The following PPP1R9A variants were observed in gnomAD, a reference collection of about 807,000 sequenced individuals.
PPP1R9A encodes protein phosphatase 1 regulatory subunit 9A, also known as neurabin-1.
A neutral mutation model predicts 141.9 loss-of-function variants in PPP1R9A; 59 were observed. The observed-to-expected ratio is 0.42, with a 90% CI of 0.34 to 0.52. The LOEUF (loss-of-function observed/expected upper bound fraction) is 0.52, where lower values mean the gene tolerates loss of function less well. PPP1R9A is among the 20% of genes least tolerant of loss of function. PPP1R9A has a pLI of 0.10. For missense variants in PPP1R9A, 1,444 were observed against 1,611.9 expected, an observed-to-expected ratio of 0.90 and a Z score of 1.78; for synonymous variants, 500 against 569.7, an observed-to-expected ratio of 0.88 and a Z score of 1.74.
intron 2 of PPP1R9A, among the ~76,000 whole-genome samples, chr7:95,082,944 A>G (rs1326249797): frequency 1.3e-5 from 2 of 151,130 alleles, no homozygotes; most frequent in African/African-American, 4.9e-5. Context: ...TTTAGAAGAG[A>G]CGGGGTTTCA....
At position 95,079,932 on chromosome 7, in the gene PPP1R9A, G is replaced by A. The variant is rs1438344061; in HGVS notation, c.1396-31327G>A. Among the ~76,000 whole-genome samples, 19 of 152,140 alleles carry A rather than the reference G, an allele frequency of 1.2e-4. 1 individual carries two copies. Among genetic ancestry groups the A allele is most frequent in the Admixed American group, 3.9e-4 (6 of 15,266 alleles). Reference sequence around the variant, plus strand: ...TCAATAAATTAGGTATTGATGGGACGTATCTCAAAATAATAAGAGCTATCT... The same window carrying A: ...TCAATAAATTAGGTATTGATGGGACATATCTCAAAATAATAAGAGCTATCT... On this transcript the variant is annotated intron_variant, in intron 2 of 19. Transcript: ENST00000433360.
chr7:95,222,008 T>C (rs1794528081), intron 7 of PPP1R9A, among the ~76,000 whole-genome samples: 2 of 152,112 alleles, frequency 1.3e-5, no homozygotes, highest in Admixed American at 6.6e-5. Context: ...GATTCCTCTC[T>C]GTATTGCAAT....
At chr7:95,288,767 C>T in intron 19 of PPP1R9A, 49 bp downstream of exon 19, 3 of 1,575,322 alleles carry the variant, frequency 1.9e-6, no homozygotes, top group Middle Eastern at 1.7e-4. Flanking sequence ...ATTTGTATTA[C>T]TCATATCACC....
chr7:95,148,489 C>T (rs1419202552), intron 4 of PPP1R9A, among the ~76,000 whole-genome samples: 1 of 151,608 alleles, frequency 6.6e-6, no homozygotes, highest in Non-Finnish European at 1.5e-5. Context: ...GTAAATCTGT[C>T]AAAACTTTAC....
intron 18 of PPP1R9A, among the ~76,000 whole-genome samples, chr7:95,287,969 T>C (rs1805658247): frequency 6.6e-6 from 1 of 152,206 alleles, no homozygotes; most frequent in Non-Finnish European, 1.5e-5. Flanking sequence ...ATTACAGATG[T>C]GAGCCACCAT....
At chr7:94,947,166 T>TA (rs1795984780) in intron 2 of PPP1R9A, among the ~76,000 whole-genome samples, 1 of 152,166 alleles carries the variant, frequency 6.6e-6, no homozygotes, top group African/African-American at 2.4e-5. Flanking sequence ...CAGGAACTGA[T>TA]ATGCTCACCC....
chr7:94,982,780 G>C (rs1800290636), intron 2 of PPP1R9A, among the ~76,000 whole-genome samples: 1 of 151,930 alleles, frequency 6.6e-6, no homozygotes, highest in African/African-American at 2.4e-5. Context: ...TAGGTTGCCT[G>C]TTCACTCTGA....
rs1795441959 is a variant in PPP1R9A, at chr7:94,942,521, TA to T, written c.1395+31016del. On this transcript the variant is annotated intron_variant, in intron 2 of 19. Transcript: ENST00000433360. ...ATTGTCTATGGCTGCTTTCCTACTG[TA>T]AAGGCAGAGCAAGTAGTTGTCTGCC... Among the ~76,000 whole-genome samples the T allele has an allele frequency of 2.6e-5, 4 of 152,208 alleles. No individual in the cohort carries two copies. In the South Asian group the frequency reaches 8.3e-4, roughly 32 times the overall value.
rs369381828 is a variant in PPP1R9A, at chr7:95,273,944, C to T, written c.3170C>T (p.Ala1057Val). 2.1e-5 allele frequency: 31 copies of T among 1,504,786 alleles called. No homozygotes were observed. The highest frequency in any genetic ancestry group is 2.6e-5 in the Non-Finnish European group (29 of 1,095,166). The allele number at this position is 1,504,786 out of a possible 1,614,324, so 93.2% of individuals were successfully genotyped here. ...PKSLRASSSLAVQGGKIKRKF... is the reference protein window; with the variant it reads ...PKSLRASSSLVVQGGKIKRKF... Reference sequence around the variant, plus strand: ...TCACTAAGGGCATCCAGTTCATTGGCGGTGCAAGGAGGAAAAATTAAGCGG... The same window carrying T: ...TCACTAAGGGCATCCAGTTCATTGGTGGTGCAAGGAGGAAAAATTAAGCGG... Residue 1057 changes from alanine (A) to valine (V), a missense_variant, in exon 15 of 20, where the codon GCG becomes GTG. By Grantham distance (64) the Ala-to-Val change is moderately conservative (BLOSUM62 0). Coordinates refer to ENST00000433360, the MANE Select transcript of PPP1R9A (RefSeq NM_001166160.2).
chr7:94,998,109 A>G (rs1226492763), intron 2 of PPP1R9A, among the ~76,000 whole-genome samples: 1 of 152,200 alleles, frequency 6.6e-6, no homozygotes, highest in Non-Finnish European at 1.5e-5. Context: ...GTGACTTTGA[A>G]TAAATATAAC....
intron 4 of PPP1R9A, among the ~76,000 whole-genome samples, chr7:95,128,790 C>G (rs926610086): frequency 6.6e-6 from 1 of 152,150 alleles, no homozygotes; most frequent in African/African-American, 2.4e-5. Context: ...GTTGGTCAGA[C>G]TGGTCTCAAA....
chr7:95,126,419 G>C (rs559866209), intron 4 of PPP1R9A, among the ~76,000 whole-genome samples: 1 of 152,292 alleles, frequency 6.6e-6, no homozygotes, highest in African/African-American at 2.4e-5. Flanking sequence ...CAATATCACA[G>C]TGAGACTGAA....
intron 12 of PPP1R9A, among the ~76,000 whole-genome samples, chr7:95,261,349 C>G (rs774319138): frequency 7.9e-5 from 12 of 152,146 alleles, no homozygotes; most frequent in Non-Finnish European, 1.6e-4. Context: ...TCAGGTCCAT[C>G]AGGTTATGAC....
At chr7:94,989,733 TG>T (rs1279825138) in intron 2 of PPP1R9A, among the ~76,000 whole-genome samples, 1 of 152,136 alleles carries the variant, frequency 6.6e-6, no homozygotes, top group Non-Finnish European at 1.5e-5. Context: ...TTAGTATATT[TG>T]TAATACTTAT....
intron 3 of PPP1R9A, 70 bp downstream of exon 3, chr7:95,111,461 T>G (rs1820548198): frequency 7.1e-7 from 1 of 1,409,544 alleles, no homozygotes; most frequent in Admixed American, 2.2e-5. Flanking sequence ...TTTTCCAAAA[T>G]GTAGCCTTTT....
intron 2 of PPP1R9A, among the ~76,000 whole-genome samples, chr7:94,993,712 G>T (rs368569927): frequency 5.9e-5 from 9 of 151,940 alleles, no homozygotes; most frequent in Middle Eastern, 3.4e-3. Context: ...AAATGCAGTG[G>T]GTTTTAAAAA....
At position 95,294,331 on chromosome 7, in the gene PPP1R9A, C is replaced by T. The variant is rs1248217013; in HGVS notation, c.*4028C>T. On this transcript the variant is annotated 3_prime_UTR_variant, in exon 20 of 20. Coordinates refer to ENST00000433360, the MANE Select transcript of PPP1R9A (RefSeq NM_001166160.2). ...TCACCCAGACTGGACTGCAGTGGTG[C>T]CATCATGTCTTACTGCAGCCTCAAA... 2 of 139,434 alleles carry T rather than the reference C, an allele frequency of 1.4e-5. No individual in the cohort carries two copies. The highest frequency in any genetic ancestry group is 5.5e-5 in the African/African-American group (2 of 36,476). The allele number at this position is 139,434 out of a possible 1,614,324, so 8.6% of individuals were successfully genotyped here. A position where few individuals can be genotyped will look rare whatever the true frequency, so the allele number is the denominator to read the frequency against.
intron 2 of PPP1R9A, among the ~76,000 whole-genome samples, chr7:95,019,728 C>T (rs1242713282): frequency 6.6e-6 from 1 of 152,110 alleles, no homozygotes; most frequent in East Asian, 1.9e-4. Flanking sequence ...ATTAGGATGG[C>T]AAGCATGTGG....
intron 2 of PPP1R9A, among the ~76,000 whole-genome samples, chr7:94,987,374 A>C (rs569296041): frequency 6.6e-6 from 1 of 152,244 alleles, no homozygotes; most frequent in African/African-American, 2.4e-5. Context: ...TTAAGAAAAC[A>C]GTATCTTAAC....
Sources: allele counts gnomAD v4.1 joint callset (sites outside exome capture counted in the v4.1 genomes callset), GRCh38; gene constraint gnomAD v4.1.1; transcripts MANE v1.5; gene names NCBI Gene and HGNC (gene_info 2026-07-23, HGNC 2026-07-21).